STON2: variants seen among roughly 807,000 people sequenced by gnomAD.
STON2 encodes stonin 2, also known as stonin-2.
Under a neutral mutation model 65.7 loss-of-function variants are expected in STON2, and 29 were observed. The ratio of observed to expected loss-of-function variants is 0.44; its 90% CI spans 0.33 to 0.60. The LOEUF (loss-of-function observed/expected upper bound fraction) is 0.60. Among genes scored for constraint, STON2 ranks in the 20% least tolerant of loss-of-function variants. STON2 has a pLI of 0.03. For synonymous variants in STON2, 404 were observed against 414.2 expected, an observed-to-expected ratio of 0.98 and a Z score of 0.30; for missense variants, 1,054 against 1,118.1, an observed-to-expected ratio of 0.94 and a Z score of 0.82.
intron 2 of STON2, among the ~76,000 whole-genome samples, chr14:81,414,087 G>A (rs1179242599): frequency 7.2e-6 from 1 of 139,686 alleles, no homozygotes; most frequent in Non-Finnish European, 1.5e-5. Flanking sequence ...ACTGATGGAT[G>A]TCTCACAGGA....
rs895482182 is a variant in STON2, at chr14:81,265,213, T to A, written c.*3201A>T. ...CCACTTGTATTTTCTTTAGAAGTTA[T>A]TTAAACCTAGTAAAACACTCATTAC... is the stretch of plus-strand genomic sequence containing the variant. On this transcript the variant is annotated 3_prime_UTR_variant, in exon 8 of 8. Coordinates refer to ENST00000614646, the MANE Select transcript of STON2 (RefSeq NM_001394390.1). 4 of 984,442 alleles carry A rather than the reference T, an allele frequency of 4.1e-6. No homozygotes were observed. In the Admixed American group the frequency reaches 2.5e-4, roughly 61 times the overall value. The allele number at this position is 984,442 out of a possible 1,614,324, so 61.0% of individuals were successfully genotyped here. A position where few individuals can be genotyped will look rare whatever the true frequency, so the allele number is the denominator to read the frequency against.
At chr14:81,387,624 C>T (rs1002355057) in intron 3 of STON2, among the ~76,000 whole-genome samples, 3 of 151,970 alleles carry the variant, frequency 2.0e-5, no homozygotes, top group African/African-American at 7.2e-5. Flanking sequence ...CGTGGTGGCT[C>T]ACGCCTGTAA....
intron 1 of STON2, among the ~76,000 whole-genome samples, chr14:81,430,730 C>CAT (rs765141777): frequency 6.6e-6 from 1 of 152,106 alleles, no homozygotes; most frequent in African/African-American, 2.4e-5. Context: ...TGTGAAAAAA[C>CAT]ATATATATAT....
chr14:81,325,878 C>T (rs149865185), intron 4 of STON2, among the ~76,000 whole-genome samples: 6 of 152,040 alleles, frequency 3.9e-5, no homozygotes, highest in African/African-American at 1.4e-4. Context: ...AAGAGGGACT[C>T]ACACCCCTGT....
At position 81,277,487 on chromosome 14, in the gene STON2, G is replaced by A. The variant is rs143774278; in HGVS notation, c.1995C>T (p.Leu665=). The A allele has an allele frequency of 2.7e-4, 439 of 1,614,018 alleles. 1 individual carries two copies. The highest frequency in any genetic ancestry group is 3.4e-4 in the Non-Finnish European group (406 of 1,180,036). Residue 665 remains leucine (L), a synonymous_variant, in exon 6 of 8, where the codon CTC becomes CTT. Transcript: ENST00000614646. The part of the protein sequence containing the change: ...RIHILSFLSG[L]AECRLGLNDI... Reference sequence around the variant, plus strand: ...CATTGAGGCCCAGGCGGCACTCTGCGAGCCCAGACAGGAAACTCAGGATGT... The same window carrying A: ...CATTGAGGCCCAGGCGGCACTCTGCAAGCCCAGACAGGAAACTCAGGATGT...
chr14:81,269,787 T>A (rs1894499567), intron 7 of STON2: 1 of 985,340 alleles, frequency 1.0e-6, no homozygotes, highest in Admixed American at 6.1e-5. Context: ...AATCTCCTAT[T>A]GAATTTCTAA....
Position 81,261,956 on chromosome 14 carries a change from A to G in STON2, c.*6458T>C. 1 of 1,436,650 alleles carries G rather than the reference A, an allele frequency of 7.0e-7. No homozygotes were observed. Among genetic ancestry groups the G allele is most frequent in the Non-Finnish European group, 9.1e-7 (1 of 1,102,004 alleles). 89.0% of individuals were successfully genotyped at this position (1,436,650 alleles called of 1,614,324 possible). On this transcript the variant is annotated 3_prime_UTR_variant, in exon 8 of 8. Coordinates refer to ENST00000614646, the MANE Select transcript of STON2 (RefSeq NM_001394390.1). ...TCTGGGGAAATGATAAAAAAAAAAAAAAAAAAGAGAGAGATGTGAAAAGGA... is the reference window on the plus strand; with the variant it reads ...TCTGGGGAAATGATAAAAAAAAAAAGAAAAAAGAGAGAGATGTGAAAAGGA...
At chr14:81,393,640 C>T (rs1211796367) in intron 3 of STON2, among the ~76,000 whole-genome samples, 1 of 152,196 alleles carries the variant, frequency 6.6e-6, no homozygotes, top group Non-Finnish European at 1.5e-5. Flanking sequence ...GTAAGGAGTA[C>T]ATGATATGAA....
At chr14:81,310,699 C>T (rs959771839) in intron 5 of STON2, among the ~76,000 whole-genome samples, 5 of 152,246 alleles carry the variant, frequency 3.3e-5, no homozygotes, top group East Asian at 1.9e-4. Flanking sequence ...TATCAGGATA[C>T]GCTGCTGCAT....
chr14:81,397,578 T>A (rs1438200978), intron 2 of STON2, among the ~76,000 whole-genome samples: 2 of 152,150 alleles, frequency 1.3e-5, no homozygotes, highest in Non-Finnish European at 2.9e-5. Context: ...ACTTTCTAGG[T>A]GTTATAAATG....
At chr14:81,295,431 A>T (rs1895724357) in intron 5 of STON2, among the ~76,000 whole-genome samples, 1 of 152,236 alleles carries the variant, frequency 6.6e-6, no homozygotes, top group South Asian at 2.1e-4. Flanking sequence ...TATACCAACT[A>T]TGGATCTGCG....
Position 81,261,617 on chromosome 14 carries a change from G to T in STON2, c.*6797C>A. On this transcript the variant is annotated 3_prime_UTR_variant, in exon 8 of 8. Coordinates refer to ENST00000614646, the MANE Select transcript of STON2 (RefSeq NM_001394390.1). ...AATAGTCCCAGGATGTTTACTGAGT[G>T]TCCTCCTTCAATTTTCACAATATTT... The T allele has an allele frequency of 1.6e-6, 1 of 636,600 alleles. No individual in the cohort carries two copies. Among genetic ancestry groups the T allele is most frequent in the Non-Finnish European group, 2.3e-6 (1 of 438,930 alleles). 39.4% of individuals were successfully genotyped at this position (636,600 alleles called of 1,614,324 possible). A position where few individuals can be genotyped will look rare whatever the true frequency, so the allele number is the denominator to read the frequency against.
intron 4 of STON2, among the ~76,000 whole-genome samples, chr14:81,347,615 T>TAAAAAAAAAA (rs55784716): frequency 2.8e-5 from 2 of 72,622 alleles, no homozygotes; most frequent in African/African-American, 1.1e-4. Flanking sequence ...AAGAAGACAG[T>TAAAAAAAAAA]AAAAAAAAAA....
At chr14:81,374,067 G>A (rs1164610427) in intron 3 of STON2, among the ~76,000 whole-genome samples, 2 of 122,770 alleles carry the variant, frequency 1.6e-5, no homozygotes, top group African/African-American at 6.2e-5. Flanking sequence ...CTGGAGTGTA[G>A]TGGTGCAATC....
At chr14:81,303,153 CAGAG>C (rs1332374391) in intron 5 of STON2, among the ~76,000 whole-genome samples, 1 of 151,442 alleles carries the variant, frequency 6.6e-6, no homozygotes, top group East Asian at 1.9e-4. Flanking sequence ...AGAGGATAAG[CAGAG>C]AGAAAGAAGG....
intron 4 of STON2, among the ~76,000 whole-genome samples, chr14:81,348,545 G>A (rs1223045235): frequency 1.3e-5 from 2 of 152,008 alleles, no homozygotes; most frequent in Non-Finnish European, 2.9e-5. Context: ...AAACAAAGAG[G>A]TGAAAGACTT....
intron 5 of STON2, among the ~76,000 whole-genome samples, chr14:81,279,967 A>C (rs549272832): frequency 6.6e-6 from 1 of 152,348 alleles, no homozygotes; most frequent in East Asian, 1.9e-4. Context: ...ATAATAGGGA[A>C]AAATATTTTA....
Position 81,264,130 on chromosome 14 carries a change from A to G in STON2, c.*4284T>C, listed in dbSNP as rs1026652926. On this transcript the variant is annotated 3_prime_UTR_variant, in exon 8 of 8. Coordinates refer to ENST00000614646, the MANE Select transcript of STON2 (RefSeq NM_001394390.1). ...CTGTTTGACTTGCAGGAACAAAGCA[A>G]TCAATCACCGTGACTATGGACAGCA... 2 of 985,322 alleles carry G rather than the reference A, an allele frequency of 2.0e-6. No homozygotes were observed. The highest frequency in any genetic ancestry group is 1.1e-4 in the East Asian group (1 of 8,822). 61.0% of individuals were successfully genotyped at this position (985,322 alleles called of 1,614,324 possible). A position where few individuals can be genotyped will look rare whatever the true frequency, so the allele number is the denominator to read the frequency against.
chr14:81,271,776 C>T (rs7161073), intron 6 of STON2, among the ~76,000 whole-genome samples: 121,606 of 152,164 alleles, frequency 0.8, 49,615 homozygotes, highest in African/African-American at 0.93. Context: ...TTGTCATTCA[C>T]CTGCCATACA....
Sources: allele counts gnomAD v4.1 joint callset (sites outside exome capture counted in the v4.1 genomes callset), GRCh38; gene constraint gnomAD v4.1.1; transcripts MANE v1.5; gene names NCBI Gene and HGNC (gene_info 2026-07-23, HGNC 2026-07-21).